ALDH3A1: variants seen among roughly 807,000 people sequenced by gnomAD.
The protein encoded by ALDH3A1 is aldehyde dehydrogenase, dimeric NADP-preferring.
Under a neutral mutation model 49.9 loss-of-function variants are expected in ALDH3A1, and 46 were observed. That is an observed-to-expected ratio of 0.92 (90% confidence interval 0.73 to 1.18). ALDH3A1 has a LOEUF of 1.18. Among genes scored for constraint, ALDH3A1 ranks in the 50% most tolerant of loss-of-function variants. The pLI is 0.00. For synonymous variants in ALDH3A1, 269 were observed against 253.3 expected, an observed-to-expected ratio of 1.06 and a Z score of -0.59; for missense variants, 592 against 611.8, an observed-to-expected ratio of 0.97 and a Z score of 0.34.
At position 19,742,601 on chromosome 17, in the gene ALDH3A1, G is replaced by A. The variant is rs373306549; in HGVS notation, c.424C>T (p.Leu142=). ...AGCAGGCTCGCCATGTTCTCACTCA[G>A]CTCCGAGGGCTTGAGGACCACTGAG... ...GNSVVLKPSE[L]SENMASLLAT... Residue 142 remains leucine, a synonymous_variant, in exon 4 of 11, where the codon CTG becomes TTG. Coordinates refer to ENST00000225740, the MANE Select transcript of ALDH3A1 (RefSeq NM_000691.5). The A allele has an allele frequency of 2.4e-5, 38 of 1,613,918 alleles. No homozygotes were observed. The African/African-American group carries it at 3.9e-4, about 16-fold the overall frequency.
intron 6 of ALDH3A1, 21 bp downstream of exon 6, chr17:19,741,071 CT>C (rs1567651542): frequency 6.3e-7 from 1 of 1,597,646 alleles, no homozygotes; most frequent in East Asian, 2.2e-5. Context: ...TCATCCCACC[CT>C]GCCAAGGGGT....
At position 19,740,392 on chromosome 17, in the gene ALDH3A1, A is replaced by G. The variant is rs923570636; in HGVS notation, c.893T>C (p.Ile298Thr). Reference protein sequence around the residue: ...ARHFQRVMGLIEGQKVAYGGT... With the variant: ...ARHFQRVMGLTEGQKVAYGGT... ...CCCATAAGCCACCTTCTGGCCCTCA[A>G]TCAGGCCCATCACCCTCTGGAAGTG... is the stretch of plus-strand genomic sequence containing the variant. Residue 298 changes from isoleucine (I) to threonine (T), a missense_variant, in exon 7 of 11, where the codon ATT becomes ACT. Physicochemically the swap from Ile to Thr is moderately conservative, Grantham distance 89. Transcript: ENST00000225740. The G allele has an allele frequency of 3.7e-6, 6 of 1,613,914 alleles. No individual in the cohort carries two copies. In the African/African-American group the frequency reaches 6.7e-5, roughly 18 times the overall value.
intron 4 of ALDH3A1, 72 bp from the exon 5 acceptor site, chr17:19,742,284 T>TGGCC: frequency 6.6e-7 from 1 of 1,518,218 alleles, no homozygotes; most frequent in Non-Finnish European, 9.1e-7. Flanking sequence ...TGTGGGTGAG[T>TGGCC]TGCAGTGGCC....
In ALDH3A1 at chr17:19,744,971, G is replaced by A. The variant is rs939868677; in HGVS notation, c.159C>T (p.His53=). The stretch of plus-strand genomic sequence containing the variant: ...GGCGGCCGCCCAGCCTGAGCACCTT[G>A]TGCAGGTCTGCGGCCAGCGCGCCCA... The part of the protein sequence containing the change: ...ELVGALAADL[H]KNEWNAYYEE... The change falls in exon 2 of 11, where the codon CAC becomes CAT. Residue 53 remains histidine, a synonymous_variant. Coordinates refer to ENST00000225740, the MANE Select transcript of ALDH3A1 (RefSeq NM_000691.5). The A allele has an allele frequency of 2.8e-6, 4 of 1,416,106 alleles. No homozygotes were observed. The highest frequency in any genetic ancestry group is 4.2e-5 in the Admixed American group (2 of 47,968). The allele number at this position is 1,416,106 out of a possible 1,614,324, so 87.7% of individuals were successfully genotyped here.
At chr17:19,744,252 A>C in intron 2 of ALDH3A1, 1 of 659,918 alleles carries the variant, frequency 1.5e-6, no homozygotes, top group Non-Finnish European at 1.9e-6. Context: ...AAAAATACAA[A>C]ATTAGCCGGG....
At position 19,738,467 on chromosome 17, in the gene ALDH3A1, G is replaced by GT; in HGVS notation, c.1217-15dup. ...TGCCGCTGTTCCCTGCGGAGGAGAA[G>GT]TAAGCACAGGGCTCAGCATCCTGCC... is the stretch of plus-strand genomic sequence containing the variant. On this transcript the variant is annotated splice_polypyrimidine_tract_variant and intron_variant, in intron 9 of 10. Coordinates refer to ENST00000225740, the MANE Select transcript of ALDH3A1 (RefSeq NM_000691.5). 1 of 1,606,024 alleles carries GT rather than the reference G, an allele frequency of 6.2e-7. No individual in the cohort carries two copies. The highest frequency in any genetic ancestry group is 8.5e-7 in the Non-Finnish European group (1 of 1,174,004).
intron 1 of ALDH3A1, among the ~76,000 whole-genome samples, chr17:19,746,784 C>T (rs2086607357): frequency 6.6e-6 from 1 of 152,062 alleles, no homozygotes; most frequent in Non-Finnish European, 1.5e-5. Context: ...AGGACTAGAA[C>T]GGTAGCCCCC....
chr17:19,744,912 C>A lies in ALDH3A1; in HGVS notation c.162+56G>T, dbSNP rs943461245. The A allele has an allele frequency of 1.6e-5, 18 of 1,133,600 alleles. 1 individual carries two copies. The South Asian group carries it at 3.0e-4, about 19-fold the overall frequency. 70.2% of individuals were successfully genotyped at this position (1,133,600 alleles called of 1,614,324 possible). A position where few individuals can be genotyped will look rare whatever the true frequency, so the allele number is the denominator to read the frequency against. On this transcript the variant is annotated intron_variant, in intron 2 of 10. Coordinates refer to ENST00000225740, the MANE Select transcript of ALDH3A1 (RefSeq NM_000691.5). The stretch of plus-strand genomic sequence containing the variant: ...TCGCACTCTCCCCAGCCCCTCCCCC[C>A]ACGCCCCATCGCATGGCCCCGACAC...
At chr17:19,740,551 C>G in intron 6 of ALDH3A1, 74 bp from the exon 7 acceptor site, 1 of 1,533,516 alleles carries the variant, frequency 6.5e-7, no homozygotes, top group Non-Finnish European at 8.9e-7. Context: ...CAGACACAGG[C>G]CAGCAGTGTC....
chr17:19,741,937 G>A (rs1275066198), intron 5 of ALDH3A1, 67 bp downstream of exon 5: 4 of 1,481,138 alleles, frequency 2.7e-6, no homozygotes, highest in African/African-American at 2.8e-5. Flanking sequence ...CACAGCATGA[G>A]GTGCAGTCAT....
At chr17:19,738,281 C>T (rs1296125414) in intron 10 of ALDH3A1, 42 bp downstream of exon 10, 2 of 1,613,878 alleles carry the variant, frequency 1.2e-6, no homozygotes, top group Non-Finnish European at 8.5e-7. Context: ...GGCCCTGGTC[C>T]CGCACAGCCC....
Position 19,748,015 on chromosome 17 carries a change from C to T in ALDH3A1, c.-6+244G>A, listed in dbSNP as rs748557171. On this transcript the variant is annotated intron_variant, in intron 1 of 10. Transcript: ENST00000225740. This position sits in a 1 kb window ranked among gnomAD's most constrained non-coding sequence, Gnocchi z 4.4. ...CCAGTCATGGAGTCTGACGGCCCAT[C>T]AGGGCCTCTCACTCCACGGCCACCT... The T allele has an allele frequency of 6.3e-5, 13 of 206,620 alleles. No homozygotes were observed. Among genetic ancestry groups the T allele is most frequent in the East Asian group, 1.1e-4 (1 of 9,500 alleles). 12.8% of individuals were successfully genotyped at this position (206,620 alleles called of 1,614,324 possible). A position where few individuals can be genotyped will look rare whatever the true frequency, so the allele number is the denominator to read the frequency against.
chr17:19,747,609 C>T (rs963253004), intron 1 of ALDH3A1, among the ~76,000 whole-genome samples: 2 of 152,286 alleles, frequency 1.3e-5, no homozygotes, highest in Non-Finnish European at 2.9e-5. Flanking sequence ...TGCCACTTCA[C>T]AGAGATGAGT....
chr17:19,739,835 G>A (rs937930977), intron 7 of ALDH3A1, among the ~76,000 whole-genome samples, 161 bp from the exon 8 acceptor site: 7 of 152,148 alleles, frequency 4.6e-5, no homozygotes, highest in African/African-American at 9.7e-5. Context: ...AGGCACCTGC[G>A]TCCTGGATGC....
intron 4 of ALDH3A1, 47 bp downstream of exon 4, chr17:19,742,498 C>T (rs767745410): frequency 2.0e-5 from 31 of 1,581,894 alleles, no homozygotes; most frequent in Non-Finnish European, 2.5e-5. Flanking sequence ...CTGGCCCTAG[C>T]TCAGTTATGA....
At chr17:19,739,444 A>G in intron 8 of ALDH3A1, 64 bp downstream of exon 8, 1 of 1,537,396 alleles carries the variant, frequency 6.5e-7, no homozygotes, top group South Asian at 1.2e-5. Flanking sequence ...GTGAAGCTGC[A>G]GTTTGAACCC....
chr17:19,747,574 TC>T (rs970208371), intron 1 of ALDH3A1, among the ~76,000 whole-genome samples: 3 of 152,066 alleles, frequency 2.0e-5, no homozygotes, highest in Admixed American at 6.6e-5. Flanking sequence ...TCCCAGGACT[TC>T]CCCGAGAGAC....
At chr17:19,744,140 G>T (rs2086555250) in intron 2 of ALDH3A1, 1 of 984,692 alleles carries the variant, frequency 1.0e-6, no homozygotes, top group Admixed American at 6.1e-5. Context: ...GCTCATGCCT[G>T]TAATCCCAGC....
At position 19,743,704 on chromosome 17, in the gene ALDH3A1, G is replaced by C. The variant is rs920585772; in HGVS notation, c.163-241C>G. ...GGTAGGTTTGCGGCCCCAGGGGAGA[G>C]AGCCGGTGAAGGGACCAGGCATGGG... On this transcript the variant is annotated intron_variant, in intron 2 of 10. Coordinates refer to ENST00000225740, the MANE Select transcript of ALDH3A1 (RefSeq NM_000691.5). The surrounding 1 kb of genome is among the most constrained non-coding windows in gnomAD (Gnocchi z 4.4). 1.0e-6 allele frequency: 1 copy of C among 985,180 alleles called. No homozygotes were observed. Among genetic ancestry groups the C allele is most frequent in the Admixed American group, 6.1e-5 (1 of 16,264 alleles). 61.0% of individuals were successfully genotyped at this position (985,180 alleles called of 1,614,324 possible).
Sources: gnomAD v4.1 joint callset for allele counts (sites outside exome capture counted in the v4.1 genomes callset) on GRCh38, gnomAD v4.1.1 for gene constraint, Gnocchi (gnomAD v3.1) non-coding constraint, MANE v1.5 for transcripts, NCBI Gene and HGNC (gene_info 2026-07-23, HGNC 2026-07-21) for gene names.